The following TTC28 variants were observed in gnomAD, a reference collection of about 807,000 sequenced individuals.
TTC28 encodes the protein tetratricopeptide repeat protein 28.
TTC28 carries 61 observed loss-of-function variants against 198.0 expected under a neutral mutation model. The observed-to-expected ratio is 0.31, with a 90% confidence interval of 0.25 to 0.38. The LOEUF is 0.38. Among genes scored for constraint, TTC28 ranks in the 10% least tolerant of loss-of-function variants. The pLI is 1.00. For synonymous variants in TTC28, 1,171 were observed against 1,297.8 expected, an observed-to-expected ratio of 0.90 and a Z score of 2.10; for missense variants, 2,678 against 3,164.0, an observed-to-expected ratio of 0.85 and a Z score of 3.69.
At chr22:28,504,661 CAACAT>C (rs2048581484) in intron 2 of TTC28, among the ~76,000 whole-genome samples, 1 of 152,018 alleles carries the variant, frequency 6.6e-6, no homozygotes, top group Admixed American at 6.6e-5. Flanking sequence ...AGTCTTTTGC[CAACAT>C]AACATTTTTC....
At chr22:28,148,776 C>T (rs1193024213) in intron 6 of TTC28, among the ~76,000 whole-genome samples, 1 of 152,034 alleles carries the variant, frequency 6.6e-6, no homozygotes, top group Non-Finnish European at 1.5e-5. Flanking sequence ...ATTGCCATTG[C>T]TCCCAGAACT....
intron 2 of TTC28, among the ~76,000 whole-genome samples, chr22:28,386,274 C>CAAAAAAAAAAAAAAAAACAAA (rs2046588480): frequency 1.9e-5 from 1 of 52,220 alleles, no homozygotes; most frequent in African/African-American, 6.8e-5. Flanking sequence ...GACTCCGTCT[C>CAAAAAAAAAAAAAAAAACAAA]AAAAAAAAAA....
intron 2 of TTC28, among the ~76,000 whole-genome samples, chr22:28,586,748 G>A (rs751458364): frequency 6.6e-6 from 1 of 152,080 alleles, no homozygotes; most frequent in Non-Finnish European, 1.5e-5. Context: ...AGCTAATAAT[G>A]CTGAGTACCT....
chr22:28,233,909 GTT>G (rs529892559), intron 5 of TTC28, among the ~76,000 whole-genome samples: 12 of 131,950 alleles, frequency 9.1e-5, no homozygotes, highest in Admixed American at 1.5e-4. Context: ...TAGCAAATTA[GTT>G]TTTTTTTTTT....
intron 2 of TTC28, among the ~76,000 whole-genome samples, chr22:28,308,544 A>C (rs1463554094): frequency 6.6e-6 from 1 of 152,128 alleles, no homozygotes; most frequent in East Asian, 1.9e-4. Flanking sequence ...TTGAGAGGGC[A>C]ACTGATTTTC....
chr22:28,460,193 AGTATCTT>A lies in TTC28; in HGVS notation c.382-153557_382-153551del, dbSNP rs2047926844. Among the ~76,000 whole-genome samples, 42 of 152,168 alleles carry A rather than the reference AGTATCTT, an allele frequency of 2.8e-4. 1 individual carries two copies. Among genetic ancestry groups the A allele is most frequent in the Non-Finnish European group, 2.9e-5 (2 of 68,024 alleles). Reference sequence around the variant, plus strand: ...GCAAAAGAAGCCAGGTCAGACTCAAAGTATCTTAACATGAAGATTTTAATATCAGGAT... The same window carrying A: ...GCAAAAGAAGCCAGGTCAGACTCAAAAACATGAAGATTTTAATATCAGGAT... On this transcript the variant is annotated intron_variant, in intron 2 of 22. Coordinates refer to ENST00000397906, the MANE Select transcript of TTC28 (RefSeq NM_001145418.2).
intron 2 of TTC28, among the ~76,000 whole-genome samples, chr22:28,598,509 CAAAAAAAAAA>C (rs36035176): frequency 1.5e-4 from 8 of 52,682 alleles, no homozygotes; most frequent in Admixed American, 7.8e-4. Flanking sequence ...ACTACGTCTC[CAAAAAAAAAA>C]AAAAAAAAAA....
chr22:28,557,746 A>C (rs1238903357), intron 2 of TTC28, among the ~76,000 whole-genome samples: 1 of 152,202 alleles, frequency 6.6e-6, no homozygotes, highest in Non-Finnish European at 1.5e-5. Flanking sequence ...GTTGATCTTA[A>C]ACAGAGAATC....
chr22:28,502,574 G>A (rs2048552075), intron 2 of TTC28, among the ~76,000 whole-genome samples: 2 of 152,018 alleles, frequency 1.3e-5, no homozygotes, highest in African/African-American at 4.8e-5. Flanking sequence ...TGTGAATCCG[G>A]GAGGCAGAGC....
At chr22:28,018,237 G>A (rs1404197990) in intron 13 of TTC28, among the ~76,000 whole-genome samples, 9 of 132,316 alleles carry the variant, frequency 6.8e-5, no homozygotes, top group Non-Finnish European at 1.1e-4. Context: ...GATCTGTGCT[G>A]CTATTCAGTG....
intron 1 of TTC28, chr22:28,643,395 CACA>C (rs1417168331): frequency 8.5e-5 from 13 of 152,298 alleles, no homozygotes; most frequent in Admixed American, 7.2e-4. Flanking sequence ...GAACTAGACA[CACA>C]ACAAGAGGTT....
At chr22:28,543,705 AT>A (rs986844870) in intron 2 of TTC28, among the ~76,000 whole-genome samples, 7 of 152,294 alleles carry the variant, frequency 4.6e-5, no homozygotes, top group African/African-American at 1.7e-4. Flanking sequence ...CTACACAGAC[AT>A]TTTTAGAAAA....
intron 2 of TTC28, among the ~76,000 whole-genome samples, chr22:28,568,186 A>G (rs2180460): frequency 0.46 from 70,212 of 152,098 alleles, 18,719 homozygotes; most frequent in South Asian, 0.66. Flanking sequence ...ATGAAAGTAC[A>G]GAAAGTGTGC....
intron 5 of TTC28, among the ~76,000 whole-genome samples, chr22:28,277,610 T>A (rs957827540): frequency 6.6e-6 from 1 of 152,216 alleles, no homozygotes. Context: ...GGACACACGG[T>A]AGATTTTGTT....
chr22:28,085,299 T>G (rs1233255426), intron 12 of TTC28, among the ~76,000 whole-genome samples: 2 of 152,094 alleles, frequency 1.3e-5, no homozygotes, highest in East Asian at 3.9e-4. Context: ...CCCATCAGAC[T>G]AACAGCTGAT....
At chr22:28,099,075 T>A in intron 9 of TTC28, 31 bp from the exon 10 acceptor site, 3 of 1,551,316 alleles carry the variant, frequency 1.9e-6, no homozygotes, top group Admixed American at 2.0e-5. Flanking sequence ...CATCATCCAT[T>A]CCCCAGAAAC....
rs572700280 is a variant in TTC28 at position 28,054,720 on chromosome 22, C to A, written c.3933-24354G>T. Among the ~76,000 whole-genome samples the A allele has an allele frequency of 7.2e-5, 11 of 152,288 alleles. No homozygotes were observed. In the East Asian group the frequency reaches 2.1e-3, roughly 29 times the overall value. On this transcript the variant is annotated intron_variant, in intron 12 of 22. Coordinates refer to ENST00000397906, the MANE Select transcript of TTC28 (RefSeq NM_001145418.2). The stretch of plus-strand genomic sequence containing the variant: ...TGTCACTCTACACCCTTGGAATGTT[C>A]CATCCTCTCTTTAGACAACCCACAT...
chr22:28,401,403 G>A (rs2146103074), intron 2 of TTC28, among the ~76,000 whole-genome samples: 1 of 152,238 alleles, frequency 6.6e-6, no homozygotes, highest in East Asian at 1.9e-4. Context: ...ATCATCTGAA[G>A]TCAGGAGTTT....
chr22:28,427,203 C>T (rs567573748), intron 2 of TTC28, among the ~76,000 whole-genome samples: 1 of 152,318 alleles, frequency 6.6e-6, no homozygotes, highest in African/African-American at 2.4e-5. Flanking sequence ...TACTATGTCA[C>T]ATTTTAGTAA....
Sources: gnomAD v4.1 joint callset for allele counts (sites outside exome capture counted in the v4.1 genomes callset) on GRCh38, gnomAD v4.1.1 for gene constraint, MANE v1.5 for transcripts, NCBI Gene and HGNC (gene_info 2026-07-23, HGNC 2026-07-21) for gene names.